LOC128092252: variants seen among roughly 807,000 people sequenced by gnomAD.
chr15:50,656,545 G>A, the LOC128092252 span, among the ~76,000 whole-genome samples: 5 of 146,086 alleles, frequency 3.4e-5, no homozygotes, highest in East Asian at 4.0e-4. Flanking sequence ...TATGCTACCC[G>A]GGCTGGTCTC....
At chr15:50,653,648 A>G in the LOC128092252 span, among the ~76,000 whole-genome samples, 1 of 152,180 alleles carries the variant, frequency 6.6e-6, no homozygotes, top group African/African-American at 2.4e-5. Context: ...TAGGCAGAAA[A>G]CAGTAGACAC....
At chr15:50,673,742 T>G in the LOC128092252 span, among the ~76,000 whole-genome samples, 1 of 152,196 alleles carries the variant, frequency 6.6e-6, no homozygotes. Context: ...TAAACATGCG[T>G]ACGCAAGTAT....
chr15:50,655,484 T>C, the LOC128092252 span, among the ~76,000 whole-genome samples: 1 of 141,802 alleles, frequency 7.1e-6, no homozygotes, highest in African/African-American at 2.6e-5. Context: ...AGGTAAAAAA[T>C]TTGAACGTGC....
chr15:50,658,421 T>A, the LOC128092252 span, among the ~76,000 whole-genome samples: 7,012 of 151,512 alleles, frequency 0.046, 214 homozygotes, highest in Non-Finnish European at 0.073. Context: ...AAAAAAAAAA[T>A]TAGCTAGGGG....
chr15:50,657,795 A>AAGG, the LOC128092252 span: 7 of 1,611,794 alleles, frequency 4.3e-6, no homozygotes, highest in African/African-American at 1.3e-5. Flanking sequence ...CGAGTTGCTG[A>AAGG]CAAATTTGAC....
the LOC128092252 span, among the ~76,000 whole-genome samples, chr15:50,674,664 T>C: frequency 1.3e-5 from 2 of 152,186 alleles, no homozygotes; most frequent in Non-Finnish European, 2.9e-5. Context: ...TTGTTACTAA[T>C]TAGCAACCTT....
At chr15:50,677,418 C>CA in the LOC128092252 span, among the ~76,000 whole-genome samples, 1 of 143,584 alleles carries the variant, frequency 7.0e-6, no homozygotes, top group African/African-American at 2.5e-5. Flanking sequence ...ACAACAACAA[C>CA]ACACACACAC....
At chr15:50,671,640 C>T in the LOC128092252 span, among the ~76,000 whole-genome samples, 1 of 95,844 alleles carries the variant, frequency 1.0e-5, no homozygotes, top group Non-Finnish European at 2.2e-5. Flanking sequence ...GAGATCCTGT[C>T]GCTACAAAAG....
At chr15:50,663,849 GC>G in the LOC128092252 span, among the ~76,000 whole-genome samples, 1 of 152,132 alleles carries the variant, frequency 6.6e-6, no homozygotes, top group Non-Finnish European at 1.5e-5. Flanking sequence ...TGTAGTCCCA[GC>G]TACTTGGAAG....
At chr15:50,675,194 T>A in the LOC128092252 span, among the ~76,000 whole-genome samples, 1 of 151,984 alleles carries the variant, frequency 6.6e-6, no homozygotes, top group Non-Finnish European at 1.5e-5. Context: ...AATATAAAAA[T>A]TAGCTGGGCA....
the LOC128092252 span, among the ~76,000 whole-genome samples, chr15:50,678,075 T>C: frequency 2.0e-5 from 3 of 150,568 alleles, no homozygotes; most frequent in Admixed American, 6.6e-5. Context: ...ACGTCTCTAC[T>C]AAAAAAATAC....
chr15:50,655,701 T>C, the LOC128092252 span, among the ~76,000 whole-genome samples: 9 of 152,058 alleles, frequency 5.9e-5, no homozygotes, highest in African/African-American at 2.2e-4. Flanking sequence ...ATGACACCTT[T>C]AAAGTGCTGC....
chr15:50,659,174 C>A, the LOC128092252 span, among the ~76,000 whole-genome samples: 1 of 145,272 alleles, frequency 6.9e-6, no homozygotes, highest in Non-Finnish European at 1.5e-5. Flanking sequence ...GCCTGGATGA[C>A]AGAGCGAGAC....
At chr15:50,678,528 A>C in the LOC128092252 span, among the ~76,000 whole-genome samples, 1 of 146,012 alleles carries the variant, frequency 6.8e-6, no homozygotes, top group South Asian at 2.1e-4. Flanking sequence ...ATATATATAT[A>C]TATATATATA....
chr15:50,650,690 G>A, the LOC128092252 span, among the ~76,000 whole-genome samples: 3 of 149,582 alleles, frequency 2.0e-5, no homozygotes, highest in Non-Finnish European at 4.4e-5. Context: ...GCAAGACTGG[G>A]TCTCAAAAAA....
chr15:50,682,270 CA>C, the LOC128092252 span, among the ~76,000 whole-genome samples: 3 of 150,768 alleles, frequency 2.0e-5, no homozygotes, highest in Admixed American at 1.3e-4. Context: ...CTCCACACAC[CA>C]AAATTCCTTT....
the LOC128092252 span, among the ~76,000 whole-genome samples, chr15:50,651,253 A>C: frequency 6.6e-6 from 1 of 152,218 alleles, no homozygotes; most frequent in East Asian, 1.9e-4. Flanking sequence ...AACTATCAAT[A>C]AAATAAAATC....
the LOC128092252 span, among the ~76,000 whole-genome samples, chr15:50,671,836 C>T: frequency 2.6e-5 from 4 of 152,130 alleles, no homozygotes; most frequent in East Asian, 1.9e-4. Context: ...CTACTAACAT[C>T]GCAGCCATCA....
the LOC128092252 span, among the ~76,000 whole-genome samples, chr15:50,657,229 CAGG>C: frequency 1.3e-5 from 2 of 152,242 alleles, no homozygotes; most frequent in African/African-American, 2.4e-5. Context: ...GAGGCTGAGG[CAGG>C]AGAATTGCTT....
Sources: gnomAD v4.1 joint callset for allele counts (sites outside exome capture counted in the v4.1 genomes callset) on GRCh38, gnomAD v4.1.1 for gene constraint, MANE v1.5 for transcripts.